The following CLEC9A variants were observed in gnomAD, a reference collection of about 807,000 sequenced individuals.
The protein encoded by CLEC9A is C-type lectin domain family 9 member A.
A neutral mutation model predicts 30.0 loss-of-function variants in CLEC9A; 24 were observed. The ratio of observed to expected loss-of-function variants is 0.80; its 90% CI spans 0.58 to 1.13. The LOEUF is 1.13. CLEC9A is among the 50% of genes most tolerant of loss of function. The pLI is 0.00. For synonymous variants in CLEC9A, 111 were observed against 96.8 expected, an observed-to-expected ratio of 1.15 and a Z score of -0.86; for missense variants, 251 against 280.9, an observed-to-expected ratio of 0.89 and a Z score of 0.76.
intron 1 of CLEC9A, among the ~76,000 whole-genome samples, chr12:10,039,373 A>G (rs770405982): frequency 6.6e-6 from 1 of 152,208 alleles, no homozygotes; most frequent in African/African-American, 2.4e-5. Context: ...AATAAAGGAG[A>G]ACACTGACCT....
chr12:10,050,400 C>CTGCAAAGCGCAATAA (rs1265986326), intron 2 of CLEC9A, among the ~76,000 whole-genome samples: 1 of 152,202 alleles, frequency 6.6e-6, no homozygotes, highest in South Asian at 2.1e-4. Flanking sequence ...AATGCAGTAT[C>CTGCAAAGCGCAATAA]TGCAAAGCGC....
In CLEC9A at chr12:10,037,795, T is replaced by A. The variant is rs75105360; in HGVS notation, c.-317-3671T>A. Among the ~76,000 whole-genome samples the A allele has an allele frequency of 7.7e-3, 1,178 of 152,286 alleles. 61 individuals carry two copies. The East Asian group carries it at 0.15, about 19-fold the overall frequency. ...TCACTATTTTAGAGCCATGGGACAT[T>A]TTCTTCTGGGGTTAAAGGACAAAAA... On this transcript the variant is annotated intron_variant, in intron 1 of 8. Coordinates refer to ENST00000355819, the MANE Select transcript of CLEC9A (RefSeq NM_207345.4).
rs1009016358 is a variant in CLEC9A at position 10,041,579 on chromosome 12, A to T, written c.-204A>T. On this transcript the variant is annotated 5_prime_UTR_variant, in exon 2 of 9. It removes an upstream start codon present in the reference 5' UTR. Coordinates refer to ENST00000355819, the MANE Select transcript of CLEC9A (RefSeq NM_207345.4). ...AGAGAGTGAGCAGTACTGCACTGACATGAAGGCTACTCTCCTGAAGACTGA... is the reference window on the plus strand; with the variant it reads ...AGAGAGTGAGCAGTACTGCACTGACTTGAAGGCTACTCTCCTGAAGACTGA... 27 of 521,520 alleles carry T rather than the reference A, an allele frequency of 5.2e-5. No homozygotes were observed. Among genetic ancestry groups the T allele is most frequent in the African/African-American group, 5.1e-4 (26 of 51,418 alleles). The allele number at this position is 521,520 out of a possible 1,614,324, so 32.3% of individuals were successfully genotyped here.
chr12:10,035,222 T>TG (rs1330680541), intron 1 of CLEC9A, among the ~76,000 whole-genome samples: 2 of 152,162 alleles, frequency 1.3e-5, no homozygotes, highest in African/African-American at 4.8e-5. Flanking sequence ...GCTAGGGTCT[T>TG]GGGGGTTTTA....
chr12:10,047,381 T>C (rs760785609), intron 2 of CLEC9A, among the ~76,000 whole-genome samples: 3 of 152,194 alleles, frequency 2.0e-5, no homozygotes, highest in Non-Finnish European at 4.4e-5. Flanking sequence ...ACAATACAAT[T>C]TAAAAATGTA....
At chr12:10,061,529 T>C (rs563608751) in intron 6 of CLEC9A, among the ~76,000 whole-genome samples, 1 of 152,222 alleles carries the variant, frequency 6.6e-6, no homozygotes, top group East Asian at 1.9e-4. Context: ...AATTAGTAGG[T>C]CAGATTAAAA....
chr12:10,050,902 A>G (rs971786928), intron 2 of CLEC9A, among the ~76,000 whole-genome samples: 1 of 152,186 alleles, frequency 6.6e-6, no homozygotes, highest in Non-Finnish European at 1.5e-5. Flanking sequence ...CATGAGCATC[A>G]TATAAAATAT....
intron 1 of CLEC9A, among the ~76,000 whole-genome samples, chr12:10,039,195 G>A (rs1182265947): frequency 4.6e-5 from 7 of 152,110 alleles, no homozygotes; most frequent in Admixed American, 3.3e-4. Flanking sequence ...GATGGTTGTC[G>A]GGCTGGTGGC....
At chr12:10,037,057 A>G (rs182644522) in intron 1 of CLEC9A, among the ~76,000 whole-genome samples, 10 of 152,306 alleles carry the variant, frequency 6.6e-5, no homozygotes, top group Admixed American at 6.5e-4. Flanking sequence ...GACTCAGAAC[A>G]CTTCTAAGAG....
intron 1 of CLEC9A, among the ~76,000 whole-genome samples, chr12:10,037,272 G>A (rs1385271413): frequency 1.3e-5 from 2 of 152,074 alleles, no homozygotes; most frequent in Non-Finnish European, 2.9e-5. Flanking sequence ...ACACAATCAG[G>A]AATAGGGCGG....
chr12:10,045,204 C>G (rs561046561), intron 2 of CLEC9A, among the ~76,000 whole-genome samples: 1 of 152,230 alleles, frequency 6.6e-6, no homozygotes, highest in Non-Finnish European at 1.5e-5. Flanking sequence ...AGCCTTTTCC[C>G]ATTATTTCAG....
chr12:10,061,877 ATATAGTT>A (rs1866001862), intron 6 of CLEC9A, among the ~76,000 whole-genome samples: 1 of 152,226 alleles, frequency 6.6e-6, no homozygotes, highest in Admixed American at 6.5e-5. Context: ...ATGCTTGTAC[ATATAGTT>A]TAGAGAATTA....
intron 5 of CLEC9A, among the ~76,000 whole-genome samples, chr12:10,057,034 G>A (rs1388518058): frequency 6.6e-6 from 1 of 151,642 alleles, no homozygotes; most frequent in African/African-American, 2.4e-5. Flanking sequence ...AATTTGCCTA[G>A]GTCTTCTTAT....
chr12:10,046,792 TAG>T (rs2137303342), intron 2 of CLEC9A, among the ~76,000 whole-genome samples: 1 of 152,328 alleles, frequency 6.6e-6, no homozygotes, highest in Non-Finnish European at 1.5e-5. Flanking sequence ...ATAATTCTTG[TAG>T]AGGTAGTCTT....
chr12:10,063,077 A>G lies in CLEC9A; in HGVS notation c.342A>G (p.Pro114=). ...LSSAHNSSPC[P]NNWIQNRESC... Reference sequence around the variant, plus strand: ...AAGCCCATAACAGCAGTCCTTGTCCAAACAATTGGATTCAGAACAGAGAAA... The same window carrying G: ...AAGCCCATAACAGCAGTCCTTGTCCGAACAATTGGATTCAGAACAGAGAAA... The change falls in exon 7 of 9, where the codon CCA becomes CCG. Residue 114 remains proline, a synonymous_variant. Transcript: ENST00000355819. 3 of 1,605,906 alleles carry G rather than the reference A, an allele frequency of 1.9e-6. No homozygotes were observed. The highest frequency in any genetic ancestry group is 2.5e-6 in the Non-Finnish European group (3 of 1,177,482).
At chr12:10,053,591 A>G (rs1865914446) in intron 4 of CLEC9A, among the ~76,000 whole-genome samples, 1 of 152,188 alleles carries the variant, frequency 6.6e-6, no homozygotes, top group Non-Finnish European at 1.5e-5. Flanking sequence ...GACTTCTTCA[A>G]AGTCCCTTTT....
At chr12:10,061,586 G>A (rs561677185) in intron 6 of CLEC9A, among the ~76,000 whole-genome samples, 22 of 152,128 alleles carry the variant, frequency 1.4e-4, no homozygotes, top group Non-Finnish European at 3.2e-4. Context: ...ATTCAAATTT[G>A]TAAGGATGTT....
At chr12:10,048,964 A>T (rs1865870796) in intron 2 of CLEC9A, among the ~76,000 whole-genome samples, 1 of 152,204 alleles carries the variant, frequency 6.6e-6, no homozygotes, top group Admixed American at 6.5e-5. Flanking sequence ...CATGGCAGTG[A>T]TAGCCTTATG....
At chr12:10,044,919 C>T (rs1032736952) in intron 2 of CLEC9A, among the ~76,000 whole-genome samples, 3 of 152,120 alleles carry the variant, frequency 2.0e-5, no homozygotes, top group Non-Finnish European at 2.9e-5. Flanking sequence ...ATATATATTC[C>T]TTGTCCTCTC....
Sources: gnomAD v4.1 joint callset for allele counts (sites outside exome capture counted in the v4.1 genomes callset) on GRCh38, gnomAD v4.1.1 for gene constraint, MANE v1.5 for transcripts, NCBI Gene and HGNC (gene_info 2026-07-23, HGNC 2026-07-21) for gene names.